LRP1B: variants seen among roughly 807,000 people sequenced by gnomAD.
LRP1B encodes the protein low-density lipoprotein receptor-related protein 1B.
In LRP1B, 217 loss-of-function variants were observed where a neutral mutation model predicts 556.6. The ratio of observed to expected loss-of-function variants is 0.39; its 90% CI spans 0.35 to 0.44. The LOEUF is 0.44. Among genes scored for constraint, LRP1B ranks in the 20% least tolerant of loss-of-function variants. LRP1B has a pLI of 1.00. For synonymous variants in LRP1B, 2,047 were observed against 1,865.8 expected, an observed-to-expected ratio of 1.10 and a Z score of -2.50; for missense variants, 5,053 against 5,620.8, an observed-to-expected ratio of 0.90 and a Z score of 3.23.
At chr2:141,915,543 T>A (rs939940563) in intron 1 of LRP1B, among the ~76,000 whole-genome samples, 1 of 151,972 alleles carries the variant, frequency 6.6e-6, no homozygotes, top group Non-Finnish European at 1.5e-5. Flanking sequence ...TTATGACTAT[T>A]CCATCAAAAG....
chr2:141,962,240 A>T (rs562368480), intron 1 of LRP1B, among the ~76,000 whole-genome samples: 52 of 128,382 alleles, frequency 4.1e-4, no homozygotes, highest in African/African-American at 1.5e-3. Flanking sequence ...TCCTTCTCAC[A>T]GATGATAGTA....
Position 141,058,905 on chromosome 2 carries a change from A to T in LRP1B, c.1386T>A (p.Tyr462Ter), listed in dbSNP as rs1699260266. 1 of 1,588,714 alleles carries T rather than the reference A, an allele frequency of 6.3e-7. No individual in the cohort carries two copies. The highest frequency in any genetic ancestry group is 8.5e-7 in the Non-Finnish European group (1 of 1,170,496). Residue 462 changes from tyrosine to a stop codon, truncating the protein, a stop_gained, in exon 9 of 91, where the codon TAT becomes TAA. Coordinates refer to ENST00000389484, the MANE Select transcript of LRP1B (RefSeq NM_018557.3). LOFTEE classifies it high-confidence loss of function. The stretch of plus-strand genomic sequence containing the variant: ...TACCTGTTGGTTGAGTTCTTTTTTG[A>T]TAAATTCGGATTCCCCAAGCATTCT... The part of the protein sequence containing the change: ...KIENAWGIRI[Y>*]QKRTQPTVRS...
chr2:140,634,345 A>G (rs1318592300), intron 41 of LRP1B, among the ~76,000 whole-genome samples: 1 of 152,172 alleles, frequency 6.6e-6, no homozygotes, highest in Non-Finnish European at 1.5e-5. Flanking sequence ...TAATATATCC[A>G]ATACATTGAT....
intron 3 of LRP1B, among the ~76,000 whole-genome samples, chr2:141,462,858 A>C (rs1681938389): frequency 6.6e-6 from 1 of 152,190 alleles, no homozygotes; most frequent in African/African-American, 2.4e-5. Context: ...AATAAAATTT[A>C]AAATTTTAAG....
At chr2:140,607,566 G>A (rs1682913019) in intron 41 of LRP1B, among the ~76,000 whole-genome samples, 1 of 151,714 alleles carries the variant, frequency 6.6e-6, no homozygotes, top group Admixed American at 6.6e-5. Flanking sequence ...GTACATCCAC[G>A]CTTGGAATTA....
chr2:141,817,826 G>C (rs1428517316), intron 1 of LRP1B, among the ~76,000 whole-genome samples: 2 of 151,928 alleles, frequency 1.3e-5, no homozygotes, highest in Non-Finnish European at 2.9e-5. Context: ...ATGTATAAAA[G>C]GACACTATAG....
chr2:141,854,272 G>A (rs1215928054), intron 1 of LRP1B, among the ~76,000 whole-genome samples: 1 of 151,836 alleles, frequency 6.6e-6, no homozygotes, highest in Admixed American at 6.6e-5. Context: ...TCAGAACATC[G>A]TCATAATTGT....
At chr2:141,966,919 A>G (rs1701581527) in intron 1 of LRP1B, among the ~76,000 whole-genome samples, 1 of 151,888 alleles carries the variant, frequency 6.6e-6, no homozygotes, top group Non-Finnish European at 1.5e-5. Context: ...GCCAGAGTTC[A>G]GGATGGTGCT....
At chr2:141,882,807 C>T (rs752007977) in intron 1 of LRP1B, among the ~76,000 whole-genome samples, 1 of 152,128 alleles carries the variant, frequency 6.6e-6, no homozygotes, top group Non-Finnish European at 1.5e-5. Context: ...TCCTGGGCTC[C>T]TGTCATCCTA....
chr2:141,144,069 T>C (rs1247912436), intron 7 of LRP1B, among the ~76,000 whole-genome samples: 1 of 152,114 alleles, frequency 6.6e-6, no homozygotes, highest in Non-Finnish European at 1.5e-5. Context: ...ATCACACAGG[T>C]CTTCATTATT....
Position 140,334,435 on chromosome 2 carries a change from G to T in LRP1B, c.12223+18C>A, listed in dbSNP as rs201489208. The T allele has an allele frequency of 1.6e-4, 233 of 1,417,032 alleles. No homozygotes were observed. Among genetic ancestry groups the T allele is most frequent in the Non-Finnish European group, 2.0e-4 (204 of 1,001,370 alleles). 87.8% of individuals were successfully genotyped at this position (1,417,032 alleles called of 1,614,324 possible). On this transcript the variant is annotated intron_variant, in intron 79 of 90. Coordinates refer to ENST00000389484, the MANE Select transcript of LRP1B (RefSeq NM_018557.3). ...TTGTCATTCTGCTTCATATTTTAGC[G>T]TGTGTCAGAAATCATACCTGTGGGT...
intron 2 of LRP1B, among the ~76,000 whole-genome samples, chr2:141,520,193 C>G (rs1684480296): frequency 6.6e-6 from 1 of 152,036 alleles, no homozygotes; most frequent in Admixed American, 6.6e-5. Context: ...ATAGTAATTC[C>G]TAAATAAGAA....
chr2:141,713,923 T>G (rs373351982), intron 2 of LRP1B, among the ~76,000 whole-genome samples: 1 of 152,196 alleles, frequency 6.6e-6, no homozygotes, highest in African/African-American at 2.4e-5. Context: ...TAGAGCAATG[T>G]TGGCACCCAG....
At chr2:140,959,934 A>C (rs1178360717) in intron 18 of LRP1B, among the ~76,000 whole-genome samples, 2 of 151,768 alleles carry the variant, frequency 1.3e-5, no homozygotes, top group African/African-American at 4.8e-5. Context: ...CAAGGAATAG[A>C]CACTTCAGGG....
chr2:140,648,267 C>T (rs997714573), intron 41 of LRP1B, among the ~76,000 whole-genome samples: 4 of 151,300 alleles, frequency 2.6e-5, no homozygotes, highest in East Asian at 3.9e-4. Flanking sequence ...GGGTGGGGAA[C>T]GTCACACACC....
chr2:141,132,243 AT>A (rs1257472737), intron 7 of LRP1B, among the ~76,000 whole-genome samples: 2 of 151,856 alleles, frequency 1.3e-5, no homozygotes, highest in Non-Finnish European at 2.9e-5. Context: ...AGGTATTTGG[AT>A]TATGGGGGCG....
rs1322848675 is a variant in LRP1B at position 140,501,719 on chromosome 2, G to C, written c.8818C>G (p.Gln2940Glu). The C allele has an allele frequency of 9.3e-6, 15 of 1,611,910 alleles. No homozygotes were observed. The highest frequency in any genetic ancestry group is 1.3e-5 in the Non-Finnish European group (15 of 1,178,726). ...CTGACCGGAAGGTCTTGACAGTCTT[G>C]AGAACATCCACTGACTTTCTTACTC... ...CLSKKVSGCS[Q>E]DCQDLPVSYK... is the part of the protein sequence containing the mutation. Residue 2940 changes from glutamine (Q) to glutamate (E), a missense_variant, in exon 55 of 91, where the codon CAA (glutamine) becomes GAA (glutamate). Physicochemically the swap from Gln to Glu is conservative, Grantham distance 29. This residue lies in a region of LRP1B where 3,619 missense variants were observed against 3,931.9 expected (regional missense o/e 0.92). Transcript: ENST00000389484.
chr2:142,002,422 C>G (rs1702681793), intron 1 of LRP1B, among the ~76,000 whole-genome samples: 1 of 151,882 alleles, frequency 6.6e-6, no homozygotes. Flanking sequence ...GGACACATCT[C>G]TAAACTAATG....
At chr2:141,344,136 T>C (rs978198979) in intron 3 of LRP1B, among the ~76,000 whole-genome samples, 8 of 152,334 alleles carry the variant, frequency 5.3e-5, no homozygotes, top group South Asian at 4.1e-4. Flanking sequence ...TGACGTTGTT[T>C]CCTTGTTTTA....
Sources: gnomAD v4.1 joint callset for allele counts (sites outside exome capture counted in the v4.1 genomes callset) on GRCh38, gnomAD v4.1.1 for gene constraint, gnomAD v4.1.1 regional missense constraint, MANE v1.5 for transcripts, NCBI Gene and HGNC (gene_info 2026-07-23, HGNC 2026-07-21) for gene names.